PRKD1: variants seen among roughly 807,000 people sequenced by gnomAD.
PRKD1 encodes the protein serine/threonine-protein kinase D1.
PRKD1 carries 63 observed loss-of-function variants against 95.9 expected under a neutral mutation model. The ratio of observed to expected loss-of-function variants is 0.66; its 90% CI spans 0.54 to 0.81. PRKD1 has a LOEUF of 0.81. PRKD1 is among the 30% of genes least tolerant of loss of function. PRKD1 has a pLI of 0.00. For missense variants in PRKD1, 1,048 were observed against 1,165.3 expected, an observed-to-expected ratio of 0.90 and a Z score of 1.47; for synonymous variants, 425 against 423.1, an observed-to-expected ratio of 1.00 and a Z score of -0.05.
intron 1 of PRKD1, among the ~76,000 whole-genome samples, chr14:29,911,890 G>A (rs759058511): frequency 6.6e-6 from 1 of 152,158 alleles, no homozygotes; most frequent in African/African-American, 2.4e-5. Flanking sequence ...CTTGGCTCAT[G>A]AGCTACTCCT....
chr14:29,890,719 G>C (rs571675908), intron 1 of PRKD1, among the ~76,000 whole-genome samples: 7 of 152,144 alleles, frequency 4.6e-5, no homozygotes, highest in Non-Finnish European at 8.8e-5. Flanking sequence ...AGGGAAGAAA[G>C]TGCCTACCTA....
At chr14:29,682,692 G>T (rs1256455103) in intron 2 of PRKD1, among the ~76,000 whole-genome samples, 3 of 152,158 alleles carry the variant, frequency 2.0e-5, no homozygotes, top group South Asian at 4.1e-4. Flanking sequence ...CCTAATAGAA[G>T]ATAAAAAAAT....
At chr14:29,916,916 C>T (rs1233957883) in intron 1 of PRKD1, among the ~76,000 whole-genome samples, 1 of 152,090 alleles carries the variant, frequency 6.6e-6, no homozygotes, top group African/African-American at 2.4e-5. Flanking sequence ...AAATTCTAAC[C>T]ATGATCTCCT....
chr14:29,819,714 C>A (rs539783320), intron 1 of PRKD1, among the ~76,000 whole-genome samples: 34 of 151,680 alleles, frequency 2.2e-4, no homozygotes, highest in African/African-American at 4.6e-4. Flanking sequence ...AATAAAATAA[C>A]ATAAAATAAA....
chr14:29,606,070 T>C (rs1465048013), intron 13 of PRKD1, among the ~76,000 whole-genome samples: 1 of 152,182 alleles, frequency 6.6e-6, no homozygotes, highest in Non-Finnish European at 1.5e-5. Context: ...TGGACTGCAG[T>C]GGTGCAGTCT....
At chr14:29,715,969 T>C (rs893269901) in intron 2 of PRKD1, among the ~76,000 whole-genome samples, 15 of 152,216 alleles carry the variant, frequency 9.9e-5, no homozygotes, top group Non-Finnish European at 1.9e-4. Context: ...TGATTCTTAA[T>C]ATCCAAGTCC....
chr14:29,927,526 G>GCT lies in PRKD1; in HGVS notation c.-15_-14insAG. ...AGGGGCGCTCATCGCTCGGCGGGGC[G>GCT]CAGGGCCGGGCAGCGGAGGGCGGGG... On this transcript the variant is annotated 5_prime_UTR_variant, in exon 1 of 18. Transcript: ENST00000331968. 1 of 1,163,370 alleles carries GCT rather than the reference G, an allele frequency of 8.6e-7. No homozygotes were observed. Among genetic ancestry groups the GCT allele is most frequent in the African/African-American group, 1.6e-5 (1 of 61,690 alleles). 72.1% of individuals were successfully genotyped at this position (1,163,370 alleles called of 1,614,324 possible). A position where few individuals can be genotyped will look rare whatever the true frequency, so the allele number is the denominator to read the frequency against.
intron 1 of PRKD1, 114 bp from the exon 2 acceptor site, chr14:29,725,788 C>G (rs936935891): frequency 4.0e-6 from 4 of 989,936 alleles, no homozygotes; most frequent in Non-Finnish European, 5.6e-6. Flanking sequence ...GTATCTAGAT[C>G]ATTAAAATAT....
intron 3 of PRKD1, 119 bp from the exon 4 acceptor site, chr14:29,663,978 G>T: frequency 3.8e-6 from 4 of 1,039,788 alleles, no homozygotes; most frequent in Non-Finnish European, 4.1e-6. Flanking sequence ...GAGAGTATTT[G>T]GAAATTCACA....
intron 1 of PRKD1, among the ~76,000 whole-genome samples, chr14:29,897,817 T>C (rs1894186944): frequency 6.6e-6 from 1 of 152,110 alleles, no homozygotes; most frequent in South Asian, 2.1e-4. Context: ...AGAAAGTTCT[T>C]TTCTTCAATG....
At chr14:29,745,575 C>A (rs1464321951) in intron 1 of PRKD1, among the ~76,000 whole-genome samples, 2 of 152,094 alleles carry the variant, frequency 1.3e-5, no homozygotes, top group East Asian at 3.9e-4. Flanking sequence ...CTCAAGCAAT[C>A]CTCCTGCCTC....
At chr14:29,731,062 A>T (rs1184725506) in intron 1 of PRKD1, among the ~76,000 whole-genome samples, 4 of 152,182 alleles carry the variant, frequency 2.6e-5, no homozygotes, top group Non-Finnish European at 5.9e-5. Flanking sequence ...AACTACCTTG[A>T]TGTAGCCATT....
intron 1 of PRKD1, among the ~76,000 whole-genome samples, chr14:29,916,884 T>C (rs1236530461): frequency 6.6e-6 from 1 of 152,082 alleles, no homozygotes. Context: ...TGCCAAATGC[T>C]CCCTTAAGTG....
chr14:29,903,365 A>C (rs1209779627), intron 1 of PRKD1, among the ~76,000 whole-genome samples: 1 of 152,202 alleles, frequency 6.6e-6, no homozygotes, highest in Non-Finnish European at 1.5e-5. Context: ...CTATATTTTT[A>C]AAAATCTGGG....
intron 1 of PRKD1, among the ~76,000 whole-genome samples, chr14:29,775,258 G>A (rs1888686159): frequency 2.6e-5 from 4 of 152,206 alleles, no homozygotes; most frequent in African/African-American, 9.6e-5. Flanking sequence ...TTCCAACTGA[G>A]GTACCAGGTT....
intron 1 of PRKD1, among the ~76,000 whole-genome samples, chr14:29,761,057 CACCCTTCCAAGTAGCTAGGGCTACA>C (rs1283008032): frequency 6.6e-6 from 1 of 152,170 alleles, no homozygotes; most frequent in East Asian, 1.9e-4. Flanking sequence ...CTTCCTGTTT[CACCCTTCCAAGTAGCTAGGGCTACA>C]AGTACATACC....
At chr14:29,646,460 A>G (rs1247501759) in intron 4 of PRKD1, among the ~76,000 whole-genome samples, 2 of 152,146 alleles carry the variant, frequency 1.3e-5, no homozygotes, top group Non-Finnish European at 2.9e-5. Flanking sequence ...TGTGACTATT[A>G]AATACTGCAT....
intron 2 of PRKD1, among the ~76,000 whole-genome samples, chr14:29,723,706 T>G (rs1886011924): frequency 6.6e-6 from 1 of 151,470 alleles, no homozygotes; most frequent in Non-Finnish European, 1.5e-5. Flanking sequence ...ATTGATATAC[T>G]AACTGAACAA....
chr14:29,630,345 G>T (rs45537042), intron 10 of PRKD1, among the ~76,000 whole-genome samples: 8,139 of 151,898 alleles, frequency 0.054, 504 homozygotes, highest in South Asian at 0.18. Flanking sequence ...TCCCCATGTT[G>T]CCCAGGCTGG....
Sources: allele counts gnomAD v4.1 joint callset (sites outside exome capture counted in the v4.1 genomes callset), GRCh38; gene constraint gnomAD v4.1.1; transcripts MANE v1.5; gene names NCBI Gene and HGNC (gene_info 2026-07-23, HGNC 2026-07-21).